PCDHA13: variants seen among roughly 807,000 people sequenced by gnomAD.
The protein encoded by PCDHA13 is protocadherin alpha-13.
PCDHA13 carries 54 observed loss-of-function variants against 64.8 expected under a neutral mutation model. The observed-to-expected ratio is 0.83, with a 90% CI of 0.67 to 1.04. The LOEUF is 1.04. PCDHA13 is among the 50% of genes least tolerant of loss of function. The probability of loss-of-function intolerance (pLI) is 0.00; values close to 1 mark genes in which losing one functional copy is unlikely to be tolerated. For missense variants in PCDHA13, 1,248 were observed against 1,254.3 expected, an observed-to-expected ratio of 0.99 and a Z score of 0.08; for synonymous variants, 587 against 564.4, an observed-to-expected ratio of 1.04 and a Z score of -0.57.
At chr5:140,915,814 A>G (rs2077313905) in intron 1 of PCDHA13, among the ~76,000 whole-genome samples, 1 of 152,102 alleles carries the variant, frequency 6.6e-6, no homozygotes, top group African/African-American at 2.4e-5. Flanking sequence ...TGTTCACTCA[A>G]GGCCCTAGGG....
chr5:140,908,329 A>T (rs539575503), intron 1 of PCDHA13, among the ~76,000 whole-genome samples: 140 of 152,214 alleles, frequency 9.2e-4, no homozygotes, highest in African/African-American at 2.7e-3. Flanking sequence ...AGACCATGGG[A>T]ATTTGAGCCA....
intron 1 of PCDHA13, among the ~76,000 whole-genome samples, chr5:140,902,174 T>C (rs1191904492): frequency 1.3e-5 from 2 of 151,720 alleles, no homozygotes; most frequent in Non-Finnish European, 2.9e-5. Context: ...AATTTGGATG[T>C]CCTTTATGTC....
At chr5:140,922,166 G>A (rs1304025068) in intron 1 of PCDHA13, among the ~76,000 whole-genome samples, 1 of 143,464 alleles carries the variant, frequency 7.0e-6, no homozygotes, top group East Asian at 2.2e-4. Flanking sequence ...ACAACAAAAA[G>A]TACAGCAGAC....
intron 1 of PCDHA13, among the ~76,000 whole-genome samples, chr5:140,974,838 A>G (rs1554236389): frequency 6.6e-6 from 1 of 152,134 alleles, no homozygotes; most frequent in Admixed American, 6.5e-5. Context: ...ATTATTTTAA[A>G]TGTTATATTC....
chr5:141,002,019 T>G (rs1420727822), intron 3 of PCDHA13, among the ~76,000 whole-genome samples: 4 of 152,176 alleles, frequency 2.6e-5, no homozygotes, highest in Admixed American at 6.5e-5. Flanking sequence ...CTGCACAGCC[T>G]TCGGTGCCCT....
At position 140,962,458 on chromosome 5, in the gene PCDHA13, G is replaced by A. The variant is rs535139362; in HGVS notation, c.2395-16491G>A. ...CCAAAGATGGCTTGAATCTCTTATG[G>A]CTTGAATCTCTTTGTTTATTCTAAG... On this transcript the variant is annotated intron_variant, in intron 1 of 3. Transcript: ENST00000289272. Among the ~76,000 whole-genome samples, 222 of 152,088 alleles carry A rather than the reference G, an allele frequency of 1.5e-3. 9 individuals carry two copies. In the South Asian group the frequency reaches 0.044, roughly 30 times the overall value.
Position 140,883,892 on chromosome 5 carries a change from G to T in PCDHA13, c.1624G>T (p.Val542Leu). Residue 542 changes from valine to leucine, a missense_variant, in exon 1 of 4, where the codon GTG (valine) becomes TTG (leucine). By Grantham distance (32) the Val-to-Leu change is conservative (BLOSUM62 1). Transcript: ENST00000289272. Reference sequence around the variant, plus strand: ...CCAGGTGAGCGCGCGCGACTCTGGCGTGCCGCCTCTGGGCAGCAACGTGAC... The same window carrying T: ...CCAGGTGAGCGCGCGCGACTCTGGCTTGCCGCCTCTGGGCAGCAACGTGAC... ...QFQVSARDSG[V>L]PPLGSNVTLQ... The T allele has an allele frequency of 1.9e-6, 3 of 1,613,362 alleles. No individual in the cohort carries two copies. Among genetic ancestry groups the T allele is most frequent in the Non-Finnish European group, 1.7e-6 (2 of 1,179,844 alleles).
chr5:140,954,599 C>T (rs1554221480), intron 1 of PCDHA13, among the ~76,000 whole-genome samples: 1 of 152,042 alleles, frequency 6.6e-6, no homozygotes, highest in East Asian at 1.9e-4. Flanking sequence ...ATGTTCTTTG[C>T]CCACTTTTTA....
intron 3 of PCDHA13, among the ~76,000 whole-genome samples, chr5:140,991,807 C>T (rs782693963): frequency 4.6e-5 from 7 of 152,278 alleles, no homozygotes; most frequent in Admixed American, 6.5e-5. Context: ...AGGCCACTTC[C>T]GCATTTTTAG....
At chr5:140,932,028 G>T (rs1299372751) in intron 1 of PCDHA13, among the ~76,000 whole-genome samples, 1 of 151,864 alleles carries the variant, frequency 6.6e-6, no homozygotes, top group African/African-American at 2.4e-5. Context: ...TAAGTTTACA[G>T]TATATATTAA....
At chr5:140,967,785 G>A (rs1554229943) in intron 1 of PCDHA13, 6 of 1,614,176 alleles carry the variant, frequency 3.7e-6, no homozygotes, top group Admixed American at 3.3e-5. Context: ...GCGACTGACC[G>A]GGGTCCAGTG....
chr5:140,913,552 T>A (rs1474729453), intron 1 of PCDHA13, among the ~76,000 whole-genome samples: 1 of 152,166 alleles, frequency 6.6e-6, no homozygotes, highest in African/African-American at 2.4e-5. Context: ...GTTTTGTTGA[T>A]CTCTTGTATT....
chr5:140,961,504 G>T (rs2095618659), intron 1 of PCDHA13, among the ~76,000 whole-genome samples: 1 of 152,112 alleles, frequency 6.6e-6, no homozygotes, highest in African/African-American at 2.4e-5. Flanking sequence ...GGGAGACTTT[G>T]TTTAATGTCT....
chr5:140,929,225 C>T (rs1249117880), intron 1 of PCDHA13: 2 of 1,613,724 alleles, frequency 1.2e-6, no homozygotes, highest in Non-Finnish European at 1.7e-6. Flanking sequence ...TACAATGCTG[C>T]CGACCTGCGA....
At chr5:140,978,740 A>G (rs2096821027) in intron 1 of PCDHA13, among the ~76,000 whole-genome samples, 1 of 152,254 alleles carries the variant, frequency 6.6e-6, no homozygotes, top group Non-Finnish European at 1.5e-5. Flanking sequence ...CTTCCAGGGT[A>G]TCTAATCTGT....
In PCDHA13 at chr5:140,882,556, T is replaced by A. The variant is rs367760301; in HGVS notation, c.288T>A (p.Cys96Ter). ...CTCGGATCGACCGCGAGGAGCTGTGTGGGCGGAGCGCGGAGTGCAGCATCC... is the reference window on the plus strand; with the variant it reads ...CTCGGATCGACCGCGAGGAGCTGTGAGGGCGGAGCGCGGAGTGCAGCATCC... ...VNSRIDREEL[C>*]GRSAECSIHL... Residue 96 changes from cysteine (C) to a stop codon, truncating the protein, a stop_gained, in exon 1 of 4, where the codon TGT (cysteine) becomes TGA (stop). Transcript: ENST00000289272. LOFTEE classifies it high-confidence loss of function. The A allele has an allele frequency of 6.8e-6, 11 of 1,614,194 alleles. No individual in the cohort carries two copies. Among genetic ancestry groups the A allele is most frequent in the Non-Finnish European group, 9.3e-6 (11 of 1,180,024 alleles).
chr5:140,901,443 T>C (rs1288584501), intron 1 of PCDHA13, among the ~76,000 whole-genome samples: 2 of 152,202 alleles, frequency 1.3e-5, no homozygotes, highest in Non-Finnish European at 2.9e-5. Flanking sequence ...ATATCTAGTT[T>C]CCCAGCACAG....
chr5:140,914,933 T>C (rs1025071911), intron 1 of PCDHA13, among the ~76,000 whole-genome samples: 1 of 149,146 alleles, frequency 6.7e-6, no homozygotes, highest in Non-Finnish European at 1.5e-5. Flanking sequence ...TACTATGTTG[T>C]GAAAAGTTGT....
intron 3 of PCDHA13, among the ~76,000 whole-genome samples, chr5:140,996,886 T>C (rs1396322934): frequency 6.6e-6 from 1 of 152,218 alleles, no homozygotes; most frequent in Non-Finnish European, 1.5e-5. Context: ...TATTTTTAAA[T>C]AAAATAGAAT....
Sources: gnomAD v4.1 joint callset for allele counts (sites outside exome capture counted in the v4.1 genomes callset) on GRCh38, gnomAD v4.1.1 for gene constraint, MANE v1.5 for transcripts, NCBI Gene and HGNC (gene_info 2026-07-23, HGNC 2026-07-21) for gene names.